The following IMMP2L variants were observed in gnomAD, a reference collection of about 807,000 sequenced individuals.
IMMP2L encodes the protein mitochondrial inner membrane protease subunit 2.
A neutral mutation model predicts 19.3 loss-of-function variants in IMMP2L; 18 were observed. That is an observed-to-expected ratio of 0.93 (90% CI 0.64 to 1.38). The LOEUF (loss-of-function observed/expected upper bound fraction) is 1.38, where lower values mean the gene tolerates loss of function less well. Ranked by LOEUF, IMMP2L falls within the 40% of genes most tolerant of loss-of-function variation. The probability of loss-of-function intolerance (pLI) is 0.00; values close to 1 mark genes in which losing one functional copy is unlikely to be tolerated. For synonymous variants in IMMP2L, 76 were observed against 73.0 expected (o/e 1.04, Z -0.21); for missense variants, 233 against 218.2 (o/e 1.07, Z -0.43).
At chr7:110,888,137 C>A (rs1810424827) in intron 4 of IMMP2L, among the ~76,000 whole-genome samples, 1 of 152,036 alleles carries the variant, frequency 6.6e-6, no homozygotes, top group South Asian at 2.1e-4. Flanking sequence ...AAGTTAATGA[C>A]TGCTGTTTAT....
At chr7:111,252,207 G>A (rs1183873609) in intron 3 of IMMP2L, among the ~76,000 whole-genome samples, 1 of 151,836 alleles carries the variant, frequency 6.6e-6, no homozygotes, top group Non-Finnish European at 1.5e-5. Context: ...TTCAAATGAT[G>A]CATGGAGTAT....
chr7:111,217,097 GTC>G (rs34795971), intron 3 of IMMP2L, among the ~76,000 whole-genome samples: 65,467 of 126,434 alleles, frequency 0.52, 17,006 homozygotes, highest in Non-Finnish European at 0.58. Flanking sequence ...CTCTCCCTCC[GTC>G]TCTCTCTCTC....
intron 3 of IMMP2L, among the ~76,000 whole-genome samples, chr7:111,188,263 C>T (rs1369469509): frequency 6.6e-6 from 1 of 152,024 alleles, no homozygotes. Flanking sequence ...GTACAGGCTG[C>T]GATTAACAAA....
rs116012080 is a variant in IMMP2L, at chr7:111,441,511, G to C, written c.239+45727C>G. 1.1e-3 allele frequency among the ~76,000 whole-genome samples: 171 copies of C among 151,876 alleles called. 6 individuals carry two copies. The highest frequency in any genetic ancestry group is 3.9e-3 in the African/African-American group (161 of 41,196). On this transcript the variant is annotated intron_variant, in intron 3 of 5. Coordinates refer to ENST00000405709, the MANE Select transcript of IMMP2L (RefSeq NM_032549.4). ...ACTGATTAGGTCGGGCATGTTATAT[G>C]AGTGTGGGTCATGGTGCCTCAAAAC...
intron 3 of IMMP2L, among the ~76,000 whole-genome samples, chr7:111,373,840 T>C (rs532742019): frequency 6.6e-6 from 1 of 151,980 alleles, no homozygotes; most frequent in Non-Finnish European, 1.5e-5. Context: ...AGAAAATACA[T>C]CAGGGATTTA....
At chr7:111,122,546 A>G (rs1800776881) in intron 3 of IMMP2L, 2 of 521,444 alleles carry the variant, frequency 3.8e-6, no homozygotes, top group East Asian at 6.2e-5. Context: ...TCAATATTAT[A>G]TCATTAAGGA....
At chr7:111,139,660 G>T (rs1802684566) in intron 3 of IMMP2L, among the ~76,000 whole-genome samples, 1 of 151,962 alleles carries the variant, frequency 6.6e-6, no homozygotes, top group Non-Finnish European at 1.5e-5. Flanking sequence ...TGTTCTTTTT[G>T]TAACAGAAGA....
chr7:110,765,992 G>A (rs1283697874), intron 5 of IMMP2L, among the ~76,000 whole-genome samples: 1 of 152,088 alleles, frequency 6.6e-6, no homozygotes, highest in Non-Finnish European at 1.5e-5. Flanking sequence ...CACATTGTGG[G>A]TGTTTTCAGG....
rs557500952 is a variant in IMMP2L at position 111,093,125 on chromosome 7, G to A, written c.240-129560C>T. Among the ~76,000 whole-genome samples, 13 of 152,218 alleles carry A rather than the reference G, an allele frequency of 8.5e-5. No individual in the cohort carries two copies. In the South Asian group the frequency reaches 2.7e-3, roughly 32 times the overall value. On this transcript the variant is annotated intron_variant, in intron 3 of 5. Coordinates refer to ENST00000405709, the MANE Select transcript of IMMP2L (RefSeq NM_032549.4). ...GACCTTTGTAAATGATGACAATAAA[G>A]CAGCTCTGACAATATGCCAGTGGCT... is the stretch of plus-strand genomic sequence containing the variant.
chr7:110,759,562 C>A (rs889197037), intron 5 of IMMP2L, among the ~76,000 whole-genome samples: 1 of 152,036 alleles, frequency 6.6e-6, no homozygotes, highest in African/African-American at 2.4e-5. Context: ...TAAAGAGGCC[C>A]TATTTTCAAA....
chr7:111,411,639 A>C, intron 3 of IMMP2L: 1 of 264,644 alleles, frequency 3.8e-6, no homozygotes, highest in South Asian at 4.6e-5. Flanking sequence ...CCTGAGTGTA[A>C]ATCTGTCCAC....
intron 1 of IMMP2L, among the ~76,000 whole-genome samples, chr7:111,528,859 T>C (rs571332939): frequency 6.6e-6 from 1 of 152,232 alleles, no homozygotes; most frequent in South Asian, 2.1e-4. Context: ...AAAATCAAGA[T>C]TTTATTTATA....
At chr7:111,211,921 C>G (rs552625293) in intron 3 of IMMP2L, among the ~76,000 whole-genome samples, 39 of 152,218 alleles carry the variant, frequency 2.6e-4, no homozygotes, top group African/African-American at 8.9e-4. Context: ...GGCATGAACC[C>G]AGGAGGCGGA....
chr7:111,456,590 T>C (rs1363808257), intron 3 of IMMP2L, among the ~76,000 whole-genome samples: 2 of 152,184 alleles, frequency 1.3e-5, no homozygotes, highest in Non-Finnish European at 1.5e-5. Context: ...TTATGAACGA[T>C]ATCAATCAGA....
At chr7:111,009,472 G>T (rs1159059196) in intron 3 of IMMP2L, among the ~76,000 whole-genome samples, 9 of 151,872 alleles carry the variant, frequency 5.9e-5, no homozygotes, top group African/African-American at 1.9e-4. Flanking sequence ...ACCTATCATA[G>T]CCCCTCATAC....
intron 3 of IMMP2L, among the ~76,000 whole-genome samples, chr7:111,046,534 G>A (rs913633798): frequency 3.3e-5 from 5 of 151,934 alleles, no homozygotes; most frequent in African/African-American, 1.2e-4. Flanking sequence ...AAACATGATA[G>A]GGAGTCTATA....
intron 4 of IMMP2L, among the ~76,000 whole-genome samples, chr7:110,921,288 A>T (rs1046625262): frequency 1.3e-5 from 2 of 152,130 alleles, no homozygotes; most frequent in Admixed American, 1.3e-4. Context: ...TACCTTGGGG[A>T]TGGAAGGGTC....
intron 3 of IMMP2L, among the ~76,000 whole-genome samples, chr7:111,228,102 C>T (rs1562948379): frequency 6.6e-6 from 1 of 152,102 alleles, no homozygotes; most frequent in Non-Finnish European, 1.5e-5. Flanking sequence ...AGAATTCCCT[C>T]ATTAAGAGAT....
chr7:111,274,013 A>G (rs1017986265), intron 3 of IMMP2L, among the ~76,000 whole-genome samples: 1 of 152,144 alleles, frequency 6.6e-6, no homozygotes, highest in Non-Finnish European at 1.5e-5. Flanking sequence ...AAAGTCTTTC[A>G]TGGGAAGAAA....
Sources: allele counts gnomAD v4.1 joint callset (sites outside exome capture counted in the v4.1 genomes callset), GRCh38; gene constraint gnomAD v4.1.1; transcripts MANE v1.5; gene names NCBI Gene and HGNC (gene_info 2026-07-23, HGNC 2026-07-21).